Variants in RASAL1 observed in about 807,000 individuals in gnomAD.
The protein encoded by RASAL1 is RAS protein activator like 1, also known as rasGAP-activating-like protein 1.
In RASAL1, 72 loss-of-function variants were observed where a neutral mutation model predicts 96.6. That is an observed-to-expected ratio of 0.75 (90% CI 0.62 to 0.91). RASAL1 has a LOEUF of 0.91. RASAL1 is among the 40% of genes least tolerant of loss of function. The probability of loss-of-function intolerance (pLI) is 0.00; values close to 1 mark genes in which losing one functional copy is unlikely to be tolerated. For synonymous variants in RASAL1, 405 were observed against 430.4 expected (o/e 0.94, Z 0.73); for missense variants, 1,016 against 1,072.5 (o/e 0.95, Z 0.74).
rs765124646 is a variant in RASAL1, at chr12:113,114,964, T to G, written c.1069-52A>C. On this transcript the variant is annotated intron_variant, in intron 11 of 20. Transcript: ENST00000548055. ...TGGGGCTGAGGGCGAGGCCGGGGCA[T>G]GCCCATGAGCTGGGCGCAGGGGGGA... is the stretch of plus-strand genomic sequence containing the variant. The G allele has an allele frequency of 2.1e-6, 3 of 1,435,110 alleles. No homozygotes were observed. In the Admixed American group the frequency reaches 5.0e-5, roughly 24 times the overall value. The allele number at this position is 1,435,110 out of a possible 1,614,324, so 88.9% of individuals were successfully genotyped here.
intron 15 of RASAL1, among the ~76,000 whole-genome samples, 158 bp from the exon 16 acceptor site, chr12:113,106,044 C>T (rs1318484804): frequency 2.6e-5 from 4 of 152,148 alleles, no homozygotes; most frequent in Non-Finnish European, 4.4e-5. Context: ...ACCACTCCCT[C>T]AATAGGGGAT....
rs770391051 is a variant in RASAL1 at position 113,135,373 on chromosome 12, C to T, written c.65+25G>A. 2 of 1,599,220 alleles carry T rather than the reference C, an allele frequency of 1.3e-6. No homozygotes were observed. The highest frequency in any genetic ancestry group is 1.7e-5 in the Admixed American group (1 of 58,516). Reference sequence around the variant, plus strand: ...ACCCCAGGCCTTGCGCGCCCCTCACCCAGAAGCGCCCGAGGAGTACTCACA... The same window carrying T: ...ACCCCAGGCCTTGCGCGCCCCTCACTCAGAAGCGCCCGAGGAGTACTCACA... On this transcript the variant is annotated intron_variant, in intron 1 of 20. Coordinates refer to ENST00000548055, the MANE Select transcript of RASAL1 (RefSeq NM_001301202.2). This position sits in a 1 kb window ranked among gnomAD's most constrained non-coding sequence, Gnocchi z 5.7.
intron 5 of RASAL1, 77 bp downstream of exon 5, chr12:113,121,432 C>A: frequency 6.3e-7 from 1 of 1,585,766 alleles, no homozygotes. Flanking sequence ...GTCCCAAACG[C>A]CAGGCAGCAG....
At chr12:113,108,020 C>G in intron 14 of RASAL1, 65 bp downstream of exon 14, 2 of 1,541,314 alleles carry the variant, frequency 1.3e-6, no homozygotes, top group Non-Finnish European at 1.7e-6. Flanking sequence ...CCTCCCAGCT[C>G]TGCTCCTACC....
chr12:113,131,968 C>CTTTTTTTT (rs34936583), intron 1 of RASAL1, among the ~76,000 whole-genome samples: 1 of 118,716 alleles, frequency 8.4e-6, no homozygotes, highest in African/African-American at 3.1e-5. Context: ...TCTTCTTCTT[C>CTTTTTTTT]TTTTTTTTTT....
At position 113,133,288 on chromosome 12, in the gene RASAL1, G is replaced by A. The variant is rs376563221; in HGVS notation, c.65+2110C>T. ...TCTCCAGACTTGTGGCCTCTCCCAC[G>A]GCCCCTGACTCAGCTCAGTCTTGGG... On this transcript the variant is annotated intron_variant, in intron 1 of 20. Transcript: ENST00000548055. Among the ~76,000 whole-genome samples the A allele has an allele frequency of 2.6e-4, 40 of 152,312 alleles. No individual in the cohort carries two copies. The South Asian group carries it at 8.3e-3, about 32-fold the overall frequency.
intron 4 of RASAL1, among the ~76,000 whole-genome samples, chr12:113,126,990 A>C (rs1261678316): frequency 6.7e-6 from 1 of 148,200 alleles, no homozygotes; most frequent in Non-Finnish European, 1.5e-5. Flanking sequence ...TATTTATTAT[A>C]TATAAATATG....
At position 113,105,607 on chromosome 12, in the gene RASAL1, T is replaced by TG. The variant is rs1950615821; in HGVS notation, c.1830+106dup. On this transcript the variant is annotated intron_variant, in intron 16 of 20. Transcript: ENST00000548055. ...TCGTTGTTAAGTTGCTATGGCATCT[T>TG]GGGGCCTTGCCCCACTGTGGGCCTC... is the stretch of plus-strand genomic sequence containing the variant. The TG allele has an allele frequency of 2.3e-5, 28 of 1,243,260 alleles. No homozygotes were observed. The South Asian group carries it at 3.9e-4, about 17-fold the overall frequency. 77.0% of individuals were successfully genotyped at this position (1,243,260 alleles called of 1,614,324 possible).
intron 13 of RASAL1, 115 bp from the exon 14 acceptor site, chr12:113,108,337 G>T: frequency 7.8e-7 from 1 of 1,281,174 alleles, no homozygotes; most frequent in South Asian, 1.5e-5. Context: ...ATGGGGAATT[G>T]ACCAGGAAGC....
chr12:113,126,678 TCTCTCTCTCTCACACACACACA>T (rs1228045949), intron 4 of RASAL1, among the ~76,000 whole-genome samples: 1 of 142,612 alleles, frequency 7.0e-6, no homozygotes, highest in African/African-American at 2.8e-5. Context: ...TGAGACACTG[TCTCTCTCTCTCACACACACACA>T]CACACACACA....
intron 4 of RASAL1, 74 bp downstream of exon 4, chr12:113,127,722 TCTGTGCTTCACCGTGC>T (rs1221881126): frequency 1.0e-5 from 11 of 1,067,086 alleles, no homozygotes; most frequent in Non-Finnish European, 1.4e-5. Flanking sequence ...CACTGAAGGC[TCTGTGCTTCACCGTGC>T]CATGTGCTAT....
chr12:113,101,843 C>T (rs375588470), intron 19 of RASAL1, 46 bp downstream of exon 19: 11 of 1,592,856 alleles, frequency 6.9e-6, no homozygotes, highest in African/African-American at 1.3e-5. Flanking sequence ...GGGGGGCTGG[C>T]CTGGCTGGTC....
chr12:113,136,299 A>G (rs7975596), upstream of RASAL1: 17,205 of 152,278 alleles, frequency 0.11, 1,048 homozygotes, highest in East Asian at 0.2. Flanking sequence ...AGCCGCGGCC[A>G]GATGGGGGAG....
At chr12:113,133,505 G>A (rs1343278719) in intron 1 of RASAL1, among the ~76,000 whole-genome samples, 1 of 152,192 alleles carries the variant, frequency 6.6e-6, no homozygotes. Flanking sequence ...TAAGCCCTCA[G>A]TGACTGACTG....
chr12:113,136,714 TA>T (rs1308519486), upstream of RASAL1, among the ~76,000 whole-genome samples: 1 of 152,226 alleles, frequency 6.6e-6, no homozygotes, highest in Non-Finnish European at 1.5e-5. Flanking sequence ...TTAATGAAGA[TA>T]AAAGTCTCAG....
At chr12:113,106,016 T>C (rs1476539957) in intron 15 of RASAL1, 130 bp from the exon 16 acceptor site, 26 of 965,882 alleles carry the variant, frequency 2.7e-5, no homozygotes, top group Non-Finnish European at 3.9e-5. Flanking sequence ...GGCAGGAGGA[T>C]GAGCGCGATG....
chr12:113,124,551 A>C (rs1427318189), intron 4 of RASAL1, among the ~76,000 whole-genome samples: 15 of 152,216 alleles, frequency 9.9e-5, no homozygotes, highest in Non-Finnish European at 2.9e-5. Context: ...AGGATGTTTG[A>C]GGTACACTGG....
At chr12:113,121,449 C>A in intron 5 of RASAL1, 60 bp downstream of exon 5, 1 of 1,604,410 alleles carries the variant, frequency 6.2e-7, no homozygotes, top group Non-Finnish European at 8.5e-7. Flanking sequence ...GCAGGGGAGA[C>A]CCAGGGGACT....
chr12:113,112,671 A>G (rs1228514665), intron 12 of RASAL1, among the ~76,000 whole-genome samples: 7 of 151,698 alleles, frequency 4.6e-5, no homozygotes, highest in African/African-American at 9.7e-5. Context: ...CCTTTTCCCA[A>G]CCAGGCCCGG....
Sources: gnomAD v4.1 joint callset for allele counts (sites outside exome capture counted in the v4.1 genomes callset) on GRCh38, gnomAD v4.1.1 for gene constraint, Gnocchi (gnomAD v3.1) non-coding constraint, MANE v1.5 for transcripts, NCBI Gene and HGNC (gene_info 2026-07-23, HGNC 2026-07-21) for gene names.